Variants in PDE11A observed in about 807,000 individuals in gnomAD.
PDE11A encodes the protein phosphodiesterase 11A.
In PDE11A, 100 loss-of-function variants were observed where a neutral mutation model predicts 100.5. The ratio of observed to expected loss-of-function variants is 1.00; its 90% CI spans 0.85 to 1.18. The LOEUF is 1.18. Among genes scored for constraint, PDE11A ranks in the 50% most tolerant of loss-of-function variants. The pLI is 0.00. For missense variants in PDE11A, 1,141 were observed against 1,152.6 expected (o/e 0.99, Z 0.15); for synonymous variants, 381 against 420.8 (o/e 0.91, Z 1.16).
intron 1 of PDE11A, among the ~76,000 whole-genome samples, chr2:178,020,486 A>T (rs975631727): frequency 4.6e-5 from 7 of 152,164 alleles, no homozygotes; most frequent in African/African-American, 1.7e-4. Context: ...CACCTGATAA[A>T]CTGATAACTT....
At chr2:178,041,334 C>G (rs1473971654) in intron 1 of PDE11A, among the ~76,000 whole-genome samples, 1 of 151,668 alleles carries the variant, frequency 6.6e-6, no homozygotes, top group African/African-American at 2.4e-5. Context: ...ACCTCTGCCT[C>G]CCGGGTTCAA....
intron 2 of PDE11A, among the ~76,000 whole-genome samples, chr2:177,999,921 C>T (rs1265067500): frequency 6.6e-6 from 1 of 152,184 alleles, no homozygotes; most frequent in African/African-American, 2.4e-5. Flanking sequence ...ACTTTCTTCC[C>T]CTCTTAACAT....
chr2:177,866,116 T>A (rs2084024701), intron 5 of PDE11A, among the ~76,000 whole-genome samples: 1 of 152,210 alleles, frequency 6.6e-6, no homozygotes, highest in Admixed American at 6.5e-5. Context: ...GTTGAACAAA[T>A]CAAGTGATAC....
In PDE11A at chr2:177,840,285, C is replaced by A. The variant is rs148715964; in HGVS notation, c.1466G>T (p.Ser489Ile). The A allele has an allele frequency of 6.2e-7, 1 of 1,614,150 alleles. No homozygotes were observed. The highest frequency in any genetic ancestry group is 1.7e-5 in the Admixed American group (1 of 60,022). The stretch of plus-strand genomic sequence containing the variant: ...AAAGCGCGGATCCTGGTAGGCATCA[C>A]TGATGTTCACTGGAAGGCCTGTTGA... ...VASTGLPVNI[S>I]DAYQDPRFDA... is the part of the protein sequence containing the mutation. The change falls in exon 6 of 20, where the codon AGT becomes ATT. Residue 489 changes from serine (S) to isoleucine (I), a missense_variant. Ser to Ile is a moderately radical substitution (Grantham distance 142). Transcript: ENST00000286063.
chr2:177,972,689 G>A (rs1327913834), intron 2 of PDE11A, among the ~76,000 whole-genome samples: 3 of 152,206 alleles, frequency 2.0e-5, no homozygotes, highest in African/African-American at 7.2e-5. Flanking sequence ...CTATGTATAT[G>A]AGGAGGAGTT....
intron 1 of PDE11A, among the ~76,000 whole-genome samples, chr2:178,043,987 A>G (rs1349283131): frequency 6.6e-6 from 1 of 152,190 alleles, no homozygotes; most frequent in African/African-American, 2.4e-5. Flanking sequence ...AATCATAAAG[A>G]AACTTGTCAG....
chr2:178,029,561 A>G (rs2086519071), intron 1 of PDE11A, among the ~76,000 whole-genome samples: 1 of 152,100 alleles, frequency 6.6e-6, no homozygotes, highest in East Asian at 1.9e-4. Flanking sequence ...GAAAAAAAAA[A>G]TGTTCAACTT....
intron 19 of PDE11A, among the ~76,000 whole-genome samples, chr2:177,655,281 C>A (rs1241782013): frequency 1.3e-5 from 2 of 151,634 alleles, no homozygotes; most frequent in African/African-American, 2.4e-5. Context: ...TGAAATAAAA[C>A]AAATTATAGT....
chr2:177,844,704 T>A (rs1022175831), intron 5 of PDE11A, among the ~76,000 whole-genome samples: 1 of 151,298 alleles, frequency 6.6e-6, no homozygotes, highest in Non-Finnish European at 1.5e-5. Flanking sequence ...AGTATTTGTG[T>A]CCCTGGGTAC....
intron 9 of PDE11A, among the ~76,000 whole-genome samples, chr2:177,785,053 G>T (rs975428290): frequency 1.3e-5 from 2 of 152,116 alleles, no homozygotes; most frequent in South Asian, 4.2e-4. Context: ...ACAATGGGGG[G>T]CCAGTATAGT....
Position 177,892,280 on chromosome 2 carries a change from G to A in PDE11A, c.1302+5778C>T, listed in dbSNP as rs1163770710. On this transcript the variant is annotated intron_variant, in intron 4 of 19. Transcript: ENST00000286063. ...ATTATATTTTTATAGGTATGAACTA[G>A]AAATCCAGCTTCTTACGGTTTTTTT... Among the ~76,000 whole-genome samples, 13 of 152,076 alleles carry A rather than the reference G, an allele frequency of 8.5e-5. No individual in the cohort carries two copies. In the South Asian group the frequency reaches 2.5e-3, roughly 29 times the overall value.
At chr2:178,030,118 A>G (rs1356986518) in intron 1 of PDE11A, among the ~76,000 whole-genome samples, 11 of 152,216 alleles carry the variant, frequency 7.2e-5, no homozygotes, top group Non-Finnish European at 8.8e-5. Context: ...AAAGTTCAAA[A>G]AAAGAATAAC....
chr2:177,845,743 T>C (rs1399082429), intron 5 of PDE11A, among the ~76,000 whole-genome samples: 1 of 152,106 alleles, frequency 6.6e-6, no homozygotes, highest in African/African-American at 2.4e-5. Context: ...TGGGCACCAT[T>C]GAGCACTGAG....
intron 2 of PDE11A, among the ~76,000 whole-genome samples, chr2:177,948,821 G>C (rs900053927): frequency 5.9e-5 from 9 of 152,146 alleles, no homozygotes; most frequent in African/African-American, 2.4e-5. Context: ...AGGTAGGGGG[G>C]ATTGCTTGAG....
chr2:177,675,680 A>G (rs751388289), intron 16 of PDE11A, 162 bp from the exon 17 acceptor site: 3 of 711,090 alleles, frequency 4.2e-6, no homozygotes, highest in South Asian at 3.0e-5. Context: ...CCCTGTGTTC[A>G]GCATCTCCAT....
rs2079793781 is a variant in PDE11A at position 177,623,667 on chromosome 2, A to C, written c.*5740T>G. ...GATTCGAATACACACGCATATACACACAGAAAATGAACACAGATATAAACG... is the reference window on the plus strand; with the variant it reads ...GATTCGAATACACACGCATATACACCCAGAAAATGAACACAGATATAAACG... On this transcript the variant is annotated 3_prime_UTR_variant, in exon 20 of 20. Coordinates refer to ENST00000286063, the MANE Select transcript of PDE11A (RefSeq NM_016953.4). 1 of 152,244 alleles carries C rather than the reference A, an allele frequency of 6.6e-6. No individual in the cohort carries two copies. The highest frequency in any genetic ancestry group is 1.5e-5 in the Non-Finnish European group (1 of 68,042). 9.4% of individuals were successfully genotyped at this position (152,244 alleles called of 1,614,324 possible). A position where few individuals can be genotyped will look rare whatever the true frequency, so the allele number is the denominator to read the frequency against.
At position 177,680,910 on chromosome 2, in the gene PDE11A, G is replaced by C. The variant is rs368459280; in HGVS notation, c.2346-7C>G. 9.4e-5 allele frequency: 141 copies of C among 1,507,730 alleles called. No homozygotes were observed. Among genetic ancestry groups the C allele is most frequent in the Non-Finnish European group, 1.3e-4 (136 of 1,086,632 alleles). The allele number at this position is 1,507,730 out of a possible 1,614,324, so 93.4% of individuals were successfully genotyped here. A position where few individuals can be genotyped will look rare whatever the true frequency, so the allele number is the denominator to read the frequency against. ...AAAGAATTCAGTTCTCCTCCTGCAG[G>C]AAAATCAAATGAAGAAAGAAAGAAA... On this transcript the variant is annotated splice_polypyrimidine_tract_variant and splice_region_variant and intron_variant, in intron 15 of 19. Coordinates refer to ENST00000286063, the MANE Select transcript of PDE11A (RefSeq NM_016953.4).
intron 2 of PDE11A, among the ~76,000 whole-genome samples, chr2:178,084,329 T>C (rs1468792663): frequency 6.6e-6 from 1 of 152,230 alleles, no homozygotes; most frequent in Non-Finnish European, 1.5e-5. Flanking sequence ...TTCTTGGATA[T>C]AATTGGGGAA....
chr2:178,072,548 C>G lies in PDE11A; in HGVS notation c.-111G>C. On this transcript the variant is annotated 5_prime_UTR_variant, in exon 1 of 20. Coordinates refer to ENST00000286063, the MANE Select transcript of PDE11A (RefSeq NM_016953.4). ...ACCCCCACCAGTATTCCCAGTTCAG[C>G]GCCACCTCCCCTGGAGATTATTCCC... is the stretch of plus-strand genomic sequence containing the variant. 1 of 1,549,380 alleles carries G rather than the reference C, an allele frequency of 6.5e-7. No homozygotes were observed. The highest frequency in any genetic ancestry group is 8.7e-7 in the Non-Finnish European group (1 of 1,154,664).
Sources: gnomAD v4.1 joint callset for allele counts (sites outside exome capture counted in the v4.1 genomes callset) on GRCh38, gnomAD v4.1.1 for gene constraint, MANE v1.5 for transcripts, NCBI Gene and HGNC (gene_info 2026-07-23, HGNC 2026-07-21) for gene names.